Variants in NTM observed in about 807,000 individuals in gnomAD.
NTM encodes neurotrimin.
In NTM, 13 loss-of-function variants were observed where a neutral mutation model predicts 42.1. The observed-to-expected ratio is 0.31, with a 90% CI of 0.20 to 0.49. The LOEUF (loss-of-function observed/expected upper bound fraction) is 0.49, where lower values mean the gene tolerates loss of function less well. Among genes scored for constraint, NTM ranks in the 20% least tolerant of loss-of-function variants. The pLI is 0.99. For synonymous variants in NTM, 187 were observed against 179.2 expected (o/e 1.04, Z -0.35); for missense variants, 373 against 452.8 (o/e 0.82, Z 1.60).
intron 1 of NTM, among the ~76,000 whole-genome samples, chr11:131,857,524 G>A (rs1425320862): frequency 1.3e-5 from 2 of 152,102 alleles, no homozygotes; most frequent in African/African-American, 2.4e-5. Context: ...CAGTGAAAAT[G>A]CATTACTCCT....
intron 3 of NTM, among the ~76,000 whole-genome samples, chr11:132,156,688 AT>A (rs146662277): frequency 0.2 from 30,501 of 151,432 alleles, 3,272 homozygotes; most frequent in Middle Eastern, 0.3. Context: ...AAAATGATTC[AT>A]TTTTTTTTCA....
At chr11:132,261,608 A>G (rs2092859207) in intron 4 of NTM, among the ~76,000 whole-genome samples, 1 of 152,194 alleles carries the variant, frequency 6.6e-6, no homozygotes, top group Non-Finnish European at 1.5e-5. Context: ...GGCATTTCTG[A>G]CATGCCTTTT....
chr11:131,414,044 A>T (rs181431826), intron 1 of NTM, among the ~76,000 whole-genome samples: 94 of 152,312 alleles, frequency 6.2e-4, no homozygotes, highest in Admixed American at 2.4e-3. Flanking sequence ...CTGAACCTCA[A>T]TTCATCGGCC....
intron 1 of NTM, among the ~76,000 whole-genome samples, chr11:131,593,976 A>G (rs776690499): frequency 6.6e-6 from 1 of 152,228 alleles, no homozygotes. Context: ...GAATGCATTC[A>G]GAGGCAATAT....
At chr11:131,735,031 T>C (rs1290673192) in intron 1 of NTM, among the ~76,000 whole-genome samples, 1 of 152,148 alleles carries the variant, frequency 6.6e-6, no homozygotes, top group East Asian at 1.9e-4. Flanking sequence ...AACTTGAAAA[T>C]TCTTTCCATC....
intron 1 of NTM, among the ~76,000 whole-genome samples, chr11:131,469,019 C>G (rs1170591050): frequency 1.3e-5 from 2 of 152,204 alleles, no homozygotes; most frequent in Admixed American, 6.5e-5. Context: ...TGTTCTTACC[C>G]ATGGCCTGTG....
intron 2 of NTM, among the ~76,000 whole-genome samples, chr11:131,976,171 C>T (rs557147475): frequency 6.4e-5 from 9 of 140,580 alleles, no homozygotes; most frequent in Admixed American, 1.4e-4. Flanking sequence ...TTCCTTCCTT[C>T]CTTTCTTCCT....
chr11:132,156,977 C>T (rs1322384954), intron 3 of NTM, among the ~76,000 whole-genome samples: 1 of 152,172 alleles, frequency 6.6e-6, no homozygotes, highest in Admixed American at 6.5e-5. Context: ...AGTGATGTGG[C>T]CACAAGCCAA....
chr11:131,757,245 T>A (rs2083458916), intron 1 of NTM, among the ~76,000 whole-genome samples: 1 of 152,240 alleles, frequency 6.6e-6, no homozygotes, highest in South Asian at 2.1e-4. Flanking sequence ...TTTCTTTGGT[T>A]CTTCAGTCTT....
chr11:132,253,718 C>G (rs2092211517), intron 4 of NTM, among the ~76,000 whole-genome samples: 1 of 152,200 alleles, frequency 6.6e-6, no homozygotes, highest in Admixed American at 6.5e-5. Flanking sequence ...TCCAGAGTTA[C>G]TTATACCCAT....
intron 1 of NTM, among the ~76,000 whole-genome samples, chr11:131,634,051 C>T (rs887666435): frequency 2.0e-5 from 3 of 152,018 alleles, no homozygotes; most frequent in African/African-American, 7.2e-5. Flanking sequence ...GAACCAAAAC[C>T]CCCTTGTGAG....
intron 1 of NTM, among the ~76,000 whole-genome samples, chr11:131,509,960 G>C (rs1343688292): frequency 7.2e-5 from 11 of 152,102 alleles, no homozygotes; most frequent in Admixed American, 7.2e-4. Context: ...CTGAGCAGAA[G>C]GATTAGAAAA....
chr11:131,969,399 T>C lies in NTM; in HGVS notation c.167+57751T>C, dbSNP rs1035654118. On this transcript the variant is annotated intron_variant, in intron 2 of 8. Transcript: ENST00000683400. ...ATCTACTCCATTCTTTTAGCTGTAC[T>C]CTGTATGAATCATATGTACTTGTTC... is the stretch of plus-strand genomic sequence containing the variant. Among the ~76,000 whole-genome samples the C allele has an allele frequency of 2.0e-5, 3 of 152,230 alleles. No homozygotes were observed. In the East Asian group the frequency reaches 5.8e-4, roughly 29 times the overall value.
At chr11:131,845,364 G>A (rs1197163899) in intron 1 of NTM, among the ~76,000 whole-genome samples, 2 of 152,074 alleles carry the variant, frequency 1.3e-5, no homozygotes, top group Non-Finnish European at 2.9e-5. Flanking sequence ...TGGGGTTGGA[G>A]AAGAGCTCCT....
At chr11:132,236,889 C>G (rs1276944348) in intron 4 of NTM, among the ~76,000 whole-genome samples, 1 of 152,184 alleles carries the variant, frequency 6.6e-6, no homozygotes, top group Admixed American at 6.5e-5. Flanking sequence ...GGCCACACAG[C>G]TTCTGCTGGT....
At chr11:131,873,493 C>T (rs1225132718) in intron 1 of NTM, among the ~76,000 whole-genome samples, 3 of 150,066 alleles carry the variant, frequency 2.0e-5, no homozygotes, top group Non-Finnish European at 4.4e-5. Context: ...CAAACCTGCA[C>T]GTTCTGCACA....
intron 1 of NTM, among the ~76,000 whole-genome samples, chr11:131,530,652 G>A (rs2051133728): frequency 6.6e-6 from 1 of 152,160 alleles, no homozygotes; most frequent in South Asian, 2.1e-4. Flanking sequence ...GCTCATGTGG[G>A]GCATTTGCCC....
At chr11:132,080,227 G>A (rs2136271784) in intron 2 of NTM, among the ~76,000 whole-genome samples, 1 of 152,248 alleles carries the variant, frequency 6.6e-6, no homozygotes, top group East Asian at 1.9e-4. Context: ...CTCCCATTGA[G>A]TAAGCAACTG....
intron 1 of NTM, among the ~76,000 whole-genome samples, chr11:131,691,750 G>A (rs1377081576): frequency 6.6e-6 from 1 of 152,164 alleles, no homozygotes; most frequent in Non-Finnish European, 1.5e-5. Context: ...TGAGCGGAGC[G>A]GGGCTGGGCT....
Sources: gnomAD v4.1 joint callset for allele counts (sites outside exome capture counted in the v4.1 genomes callset) on GRCh38, gnomAD v4.1.1 for gene constraint, MANE v1.5 for transcripts, NCBI Gene and HGNC (gene_info 2026-07-23, HGNC 2026-07-21) for gene names.